AKAP10: variants seen among roughly 807,000 people sequenced by gnomAD.
The protein encoded by AKAP10 is A-kinase anchoring protein 10, also known as A-kinase anchor protein 10, mitochondrial.
AKAP10 carries 24 observed loss-of-function variants against 80.8 expected under a neutral mutation model. The observed-to-expected ratio is 0.30, with a 90% CI of 0.22 to 0.42. The LOEUF (loss-of-function observed/expected upper bound fraction) is 0.42, where lower values mean the gene tolerates loss of function less well. Ranked by LOEUF, AKAP10 falls within the 10% of genes least tolerant of loss-of-function variation. The pLI, the probability that AKAP10 is intolerant of heterozygous loss-of-function variation, is 1.00. For synonymous variants in AKAP10, 291 were observed against 277.7 expected (o/e 1.05, Z -0.48); for missense variants, 661 against 794.9 (o/e 0.83, Z 2.03).
At chr17:19,970,891 A>G (rs1253740575) in intron 1 of AKAP10, among the ~76,000 whole-genome samples, 1 of 151,984 alleles carries the variant, frequency 6.6e-6, no homozygotes, top group Non-Finnish European at 1.5e-5. Context: ...CTATGACCAC[A>G]TACAAATACT....
chr17:19,949,574 A>G (rs1229752775), intron 4 of AKAP10, among the ~76,000 whole-genome samples: 1 of 151,818 alleles, frequency 6.6e-6, no homozygotes, highest in East Asian at 2.0e-4. Flanking sequence ...AATCGAGACC[A>G]TCCTGGCCAA....
intron 1 of AKAP10, among the ~76,000 whole-genome samples, chr17:19,969,533 T>G (rs1418248257): frequency 1.3e-5 from 2 of 150,324 alleles, no homozygotes; most frequent in Non-Finnish European, 1.5e-5. Flanking sequence ...TAACCCTCTT[T>G]TCTTGTTTTT....
At chr17:19,946,253 A>ATATTT (rs2043119266) in intron 5 of AKAP10, among the ~76,000 whole-genome samples, 1 of 20,822 alleles carries the variant, frequency 4.8e-5, no homozygotes, top group Non-Finnish European at 8.6e-5. Context: ...ATATATATAT[A>ATATTT]TATATATATA....
intron 14 of AKAP10, among the ~76,000 whole-genome samples, chr17:19,907,168 G>A (rs1567748477): frequency 6.6e-6 from 1 of 151,116 alleles, no homozygotes; most frequent in African/African-American, 2.4e-5. Context: ...CAGGCAATGC[G>A]CCACCACGCC....
chr17:19,959,393 TGGA>T (rs1347525970), intron 3 of AKAP10, among the ~76,000 whole-genome samples: 2 of 152,158 alleles, frequency 1.3e-5, no homozygotes, highest in Non-Finnish European at 2.9e-5. Context: ...AAAACCTTTT[TGGA>T]GGAGCATTCA....
Position 19,914,429 on chromosome 17 carries a change from T to C in AKAP10, c.1835-4451A>G, listed in dbSNP as rs556372607. On this transcript the variant is annotated intron_variant, in intron 12 of 14. Coordinates refer to ENST00000225737, the MANE Select transcript of AKAP10 (RefSeq NM_007202.4). ...ACTTTGGGAGGCTGAGAGATGTGGA[T>C]TGCTTGCGGCAGGAGCTTGAGACCA... is the stretch of plus-strand genomic sequence containing the variant. Among the ~76,000 whole-genome samples, 13 of 152,072 alleles carry C rather than the reference T, an allele frequency of 8.5e-5. No homozygotes were observed. In the South Asian group the frequency reaches 1.9e-3, roughly 22 times the overall value.
chr17:19,946,031 T>C (rs2043100100), intron 5 of AKAP10, among the ~76,000 whole-genome samples: 1 of 148,704 alleles, frequency 6.7e-6, no homozygotes, highest in Non-Finnish European at 1.5e-5. Context: ...CATACATACA[T>C]GTATATATAA....
At chr17:19,967,889 A>C (rs2043441449) in intron 2 of AKAP10, 1 of 149,434 alleles carries the variant, frequency 6.7e-6, no homozygotes, top group South Asian at 2.1e-4. Context: ...TCTCAAAAAA[A>C]TAAAATTAAG....
chr17:19,964,749 T>C (rs2043395877), intron 2 of AKAP10, among the ~76,000 whole-genome samples: 2 of 152,008 alleles, frequency 1.3e-5, no homozygotes, highest in African/African-American at 4.8e-5. Flanking sequence ...AGAAATTAGC[T>C]GGGCTTGGTG....
intron 3 of AKAP10, among the ~76,000 whole-genome samples, chr17:19,959,754 GTTC>G (rs950072481): frequency 5.9e-5 from 9 of 152,300 alleles, no homozygotes; most frequent in South Asian, 2.1e-4. Context: ...TGTCAAAAGA[GTTC>G]TTCTTAATCC....
intron 12 of AKAP10, among the ~76,000 whole-genome samples, chr17:19,911,472 C>G (rs994992943): frequency 1.3e-5 from 2 of 152,166 alleles, no homozygotes; most frequent in Non-Finnish European, 2.9e-5. Context: ...TGGTGTCCCT[C>G]ATGCCAGTCT....
In AKAP10 at chr17:19,931,789, C is replaced by A. The variant is rs752984675; in HGVS notation, c.1641+16G>T. Reference sequence around the variant, plus strand: ...GTATGCTTTTCTCCCTAATGGCAGACGCAATCAGTCAATACCTGAGACGCA... The same window carrying A: ...GTATGCTTTTCTCCCTAATGGCAGAAGCAATCAGTCAATACCTGAGACGCA... On this transcript the variant is annotated intron_variant, in intron 10 of 14. Coordinates refer to ENST00000225737, the MANE Select transcript of AKAP10 (RefSeq NM_007202.4). 3.1e-6 allele frequency: 5 copies of A among 1,603,588 alleles called. No individual in the cohort carries two copies. Among genetic ancestry groups the A allele is most frequent in the Non-Finnish European group, 4.3e-6 (5 of 1,175,506 alleles).
intron 1 of AKAP10, among the ~76,000 whole-genome samples, chr17:19,975,634 C>A (rs531976902): frequency 6.6e-6 from 1 of 152,116 alleles, no homozygotes; most frequent in South Asian, 2.1e-4. Flanking sequence ...TTACATGGAG[C>A]GAAAGGGAGA....
intron 2 of AKAP10, among the ~76,000 whole-genome samples, chr17:19,964,442 T>C (rs576858919): frequency 5.3e-5 from 8 of 152,354 alleles, no homozygotes; most frequent in South Asian, 4.1e-4. Flanking sequence ...GTGTCAGATA[T>C]AGCCTGCTTC....
Position 19,940,240 on chromosome 17 carries a change from T to C in AKAP10, c.1186-391A>G, listed in dbSNP as rs560305895. 2.0e-5 allele frequency among the ~76,000 whole-genome samples: 3 copies of C among 152,302 alleles called. No homozygotes were observed. The East Asian group carries it at 5.8e-4, about 29-fold the overall frequency. On this transcript the variant is annotated intron_variant, in intron 7 of 14. Coordinates refer to ENST00000225737, the MANE Select transcript of AKAP10 (RefSeq NM_007202.4). ...CATATTAACCTAAACAAATTGTTGA[T>C]TTAAACTTATAGCAAAGAAAGGGAG... is the stretch of plus-strand genomic sequence containing the variant.
chr17:19,974,525 G>A (rs1332323736), intron 1 of AKAP10, among the ~76,000 whole-genome samples: 2 of 152,120 alleles, frequency 1.3e-5, no homozygotes, highest in Non-Finnish European at 1.5e-5. Context: ...GTCAGGTAGA[G>A]ATACAAACTG....
chr17:19,913,109 C>T (rs1029147763), intron 12 of AKAP10, among the ~76,000 whole-genome samples: 3 of 150,444 alleles, frequency 2.0e-5, no homozygotes, highest in South Asian at 2.1e-4. Context: ...TCCCTAGTAG[C>T]TGGGATTACA....
intron 4 of AKAP10, among the ~76,000 whole-genome samples, chr17:19,955,092 C>G (rs9895556): frequency 1.3e-5 from 2 of 151,648 alleles, no homozygotes; most frequent in African/African-American, 2.4e-5. Context: ...TGTGGTGGTG[C>G]GTGCCTATAA....
intron 4 of AKAP10, among the ~76,000 whole-genome samples, chr17:19,953,500 A>G (rs575405033): frequency 1.3e-5 from 2 of 152,310 alleles, no homozygotes; most frequent in South Asian, 4.1e-4. Flanking sequence ...TCCCTATACA[A>G]TCTGACAAAG....
Sources: gnomAD v4.1 joint callset for allele counts (sites outside exome capture counted in the v4.1 genomes callset) on GRCh38, gnomAD v4.1.1 for gene constraint, MANE v1.5 for transcripts, NCBI Gene and HGNC (gene_info 2026-07-23, HGNC 2026-07-21) for gene names.